Variants in PES1 observed in about 807,000 individuals in gnomAD.
PES1 encodes the protein pescadillo homolog.
PES1 carries 31 observed loss-of-function variants against 77.1 expected under a neutral mutation model. The observed-to-expected ratio is 0.40, with a 90% CI of 0.30 to 0.54. The LOEUF (loss-of-function observed/expected upper bound fraction) is 0.54, where lower values mean the gene tolerates loss of function less well. PES1 is among the 20% of genes least tolerant of loss of function. The probability of loss-of-function intolerance (pLI) is 0.45; values close to 1 mark genes in which losing one functional copy is unlikely to be tolerated. For missense variants in PES1, 658 were observed against 771.7 expected (o/e 0.85, Z 1.75); for synonymous variants, 282 against 303.0 (o/e 0.93, Z 0.72).
At chr22:30,596,347 T>C (rs552902933), upstream of PES1, among the ~76,000 whole-genome samples, 1 of 152,068 alleles carries the variant, frequency 6.6e-6, no homozygotes, top group East Asian at 1.9e-4. Context: ...CAAGTGTGTG[T>C]GTGTGTGTGC....
chr22:30,588,326 A>G, intron 2 of PES1, 152 bp from the exon 3 acceptor site: 1 of 842,510 alleles, frequency 1.2e-6, no homozygotes, highest in Non-Finnish European at 1.8e-6. Context: ...TGACAGTCAC[A>G]ATCATAAAAC....
At chr22:30,595,344 C>A (rs1383034210), upstream of PES1, among the ~76,000 whole-genome samples, 1 of 152,074 alleles carries the variant, frequency 6.6e-6, no homozygotes, top group Non-Finnish European at 1.5e-5. Context: ...TCGAGGCTAG[C>A]CTGGCCAATA....
intron 2 of PES1, among the ~76,000 whole-genome samples, chr22:30,599,179 G>A (rs1314470427): frequency 1.3e-5 from 2 of 152,116 alleles, no homozygotes; most frequent in Non-Finnish European, 2.9e-5. Flanking sequence ...TTACAGGCAT[G>A]AGTCACAGCG....
chr22:30,577,011 G>A lies in PES1; in HGVS notation c.*35C>T, dbSNP rs748675897. 2.6e-6 allele frequency: 4 copies of A among 1,568,178 alleles called. No individual in the cohort carries two copies. The South Asian group carries it at 3.3e-5, about 13-fold the overall frequency. On this transcript the variant is annotated 3_prime_UTR_variant, in exon 15 of 15. Coordinates refer to ENST00000354694, the MANE Select transcript of PES1 (RefSeq NM_014303.4). Reference sequence around the variant, plus strand: ...TGCCTCTGCCACATCCAGCTGCTAGGGGCTGGCCTCAGCCCTGTGAGGGGC... The same window carrying A: ...TGCCTCTGCCACATCCAGCTGCTAGAGGCTGGCCTCAGCCCTGTGAGGGGC...
chr22:30,585,849 A>G (rs2087079072), intron 4 of PES1, among the ~76,000 whole-genome samples: 1 of 152,160 alleles, frequency 6.6e-6, no homozygotes, highest in South Asian at 2.1e-4. Context: ...GCGAGTCAGA[A>G]GTCTGCCAGG....
rs71200084 is a variant in PES1, at chr22:30,598,885, ATTT to A, written c.-660-6490_-660-6488del. On this transcript the variant is annotated intron_variant, in intron 2 of 16. Coordinates refer to the PES1 transcript ENST00000402281. ...TTCAAGTTTATGTGACTTAAGTAAA[ATTT>A]TTTTTTTTTTTTTTTTTTTTTTTTT... Among the ~76,000 whole-genome samples, 102 of 51,196 alleles carry A rather than the reference ATTT, an allele frequency of 2.0e-3. 1 individual carries two copies. In the East Asian group the frequency reaches 0.027, roughly 14 times the overall value. The allele number at this position is 51,196 out of a possible 152,430, so 33.6% of individuals were successfully genotyped here. A position where few individuals can be genotyped will look rare whatever the true frequency, so the allele number is the denominator to read the frequency against.
upstream of PES1, among the ~76,000 whole-genome samples, chr22:30,593,995 G>T (rs1300169578): frequency 6.6e-6 from 1 of 152,154 alleles, no homozygotes; most frequent in Non-Finnish European, 1.5e-5. Flanking sequence ...AAAGGGAAGA[G>T]GTTTTTAACC....
At position 30,578,960 on chromosome 22, in the gene PES1, A is replaced by G. The variant is rs751094429; in HGVS notation, c.1560T>C (p.Asp520=). 3.2e-5 allele frequency: 51 copies of G among 1,612,822 alleles called. No homozygotes were observed. The Middle Eastern group carries it at 5.0e-4, about 16-fold the overall frequency. The part of the protein sequence containing the change: ...RVMAGTLKLE[D]KQRLAQEEES... Reference sequence around the variant, plus strand: ...CCTCCTCCTGGGCCAGCCGCTGCTTATCCTCCAGCTTCAAGGTGCCTGCCA... The same window carrying G: ...CCTCCTCCTGGGCCAGCCGCTGCTTGTCCTCCAGCTTCAAGGTGCCTGCCA... The change falls in exon 14 of 15, where the codon GAT becomes GAC. Residue 520 remains aspartate, a synonymous_variant. Transcript: ENST00000354694.
chr22:30,580,122 T>C lies in PES1; in HGVS notation c.1100A>G (p.Asp367Gly). Residue 367 changes from aspartate (D) to glycine (G), a missense_variant, in exon 11 of 15, where the codon GAC (aspartate) becomes GGC (glycine). Physicochemically the swap from Asp to Gly is moderately conservative, Grantham distance 94 (BLOSUM62 -1). Transcript: ENST00000354694. ...DKSLCIGATY[D>G]VTDSRITHQI... ...ATGGGTGATGCGGGAGTCTGTGACG[T>C]CATAGGTGGCCCCAATGCACAAAGA... is the stretch of plus-strand genomic sequence containing the variant. The C allele has an allele frequency of 6.2e-7, 1 of 1,614,052 alleles. No individual in the cohort carries two copies. Among genetic ancestry groups the C allele is most frequent in the Non-Finnish European group, 8.5e-7 (1 of 1,180,002 alleles).
Position 30,587,389 on chromosome 22 carries a change from C to T in PES1, c.265G>A (p.Val89Ile), listed in dbSNP as rs138439159. 18 of 1,612,040 alleles carry T rather than the reference C, an allele frequency of 1.1e-5. No homozygotes were observed. The highest frequency in any genetic ancestry group is 2.2e-5 in the East Asian group (1 of 44,900). The change falls in exon 4 of 15, where the codon GTC (valine) becomes ATC (isoleucine). Residue 89 changes from valine (V) to isoleucine (I), a missense_variant. Coordinates refer to ENST00000354694, the MANE Select transcript of PES1 (RefSeq NM_014303.4). Reference sequence around the variant, plus strand: ...CCATAAGCCTTCCGGAGCTTCCGGACGAACACCTGGAAGAAAGAAAGAAAA... The same window carrying T: ...CCATAAGCCTTCCGGAGCTTCCGGATGAACACCTGGAAGAAAGAAAGAAAA... ...VNKFREYKVF[V>I]RKLRKAYGKS...
chr22:30,581,442 A>G (rs1416953186), intron 7 of PES1, 34 bp from the exon 8 acceptor site: 2 of 1,610,160 alleles, frequency 1.2e-6, no homozygotes, highest in Non-Finnish European at 1.7e-6. Flanking sequence ...GAGGCAGAGG[A>G]CAGCCACAGC....
At chr22:30,587,873 C>T (rs1569026300) in intron 3 of PES1, 148 bp downstream of exon 3, 4 of 771,348 alleles carry the variant, frequency 5.2e-6, no homozygotes, top group Admixed American at 2.7e-5. Flanking sequence ...TAACCGACCT[C>T]TTCCCTCCAA....
intron 6 of PES1, 58 bp from the exon 7 acceptor site, chr22:30,581,702 G>T: frequency 8.4e-7 from 1 of 1,187,146 alleles, no homozygotes; most frequent in Non-Finnish European, 1.3e-6. Flanking sequence ...GCAAAGGAGG[G>T]ACAGACAACC....
chr22:30,598,329 C>G (rs761108295), intron 2 of PES1: 2 of 153,658 alleles, frequency 1.3e-5, no homozygotes, highest in African/African-American at 4.8e-5. Context: ...AGAACTGTAA[C>G]ACTCACCTTG....
At chr22:30,600,555 G>T (rs937167607) in intron 2 of PES1, among the ~76,000 whole-genome samples, 9 of 152,154 alleles carry the variant, frequency 5.9e-5, no homozygotes, top group African/African-American at 2.2e-4. Context: ...GGTGGCTCAT[G>T]CCTGTAATCC....
chr22:30,580,736 G>A, intron 9 of PES1, 35 bp from the exon 10 acceptor site: 1 of 1,610,804 alleles, frequency 6.2e-7, no homozygotes, highest in Non-Finnish European at 8.5e-7. Context: ...GCACCACCAG[G>A]GCTGCCCACC....
chr22:30,597,327 CCT>C (rs2087269626), intron 2 of PES1, among the ~76,000 whole-genome samples: 1 of 151,810 alleles, frequency 6.6e-6, no homozygotes, highest in African/African-American at 2.4e-5. Context: ...CAGCTGGGCT[CCT>C]GAGTCTAGTG....
intron 2 of PES1, among the ~76,000 whole-genome samples, chr22:30,597,876 A>ATTTTTTTTTTTTTTTTTT (rs1210779167): frequency 1.9e-4 from 24 of 125,162 alleles, no homozygotes; most frequent in African/African-American, 7.1e-4. Flanking sequence ...ACGCAGTTGA[A>ATTTTTTTTTTTTTTTTTT]GTTTTGTTTT....
At chr22:30,589,299 T>A (rs1274632790) in intron 1 of PES1, 29 bp from the exon 2 acceptor site, 2 of 1,564,690 alleles carry the variant, frequency 1.3e-6, no homozygotes, top group African/African-American at 2.7e-5. Flanking sequence ...AATTCTCCAT[T>A]AGCAATGATT....
Sources: allele counts gnomAD v4.1 joint callset (sites outside exome capture counted in the v4.1 genomes callset), GRCh38; gene constraint gnomAD v4.1.1; transcripts MANE v1.5; gene names NCBI Gene and HGNC (gene_info 2026-07-23, HGNC 2026-07-21).